VIPR2: variants seen among roughly 807,000 people sequenced by gnomAD.
VIPR2 encodes vasoactive intestinal polypeptide receptor 2.
VIPR2 carries 48 observed loss-of-function variants against 58.0 expected under a neutral mutation model. That is an observed-to-expected ratio of 0.83 (90% CI 0.66 to 1.05). The LOEUF (loss-of-function observed/expected upper bound fraction) is 1.05, where lower values mean the gene tolerates loss of function less well. Ranked by LOEUF, VIPR2 falls within the 50% of genes least tolerant of loss-of-function variation. The pLI is 0.00. For missense variants in VIPR2, 534 were observed against 558.0 expected, an observed-to-expected ratio of 0.96 and a Z score of 0.43; for synonymous variants, 243 against 235.2, an observed-to-expected ratio of 1.03 and a Z score of -0.30.
intron 4 of VIPR2, among the ~76,000 whole-genome samples, chr7:159,083,150 T>C (rs1856998208): frequency 6.6e-6 from 1 of 152,166 alleles, no homozygotes; most frequent in Non-Finnish European, 1.5e-5. Context: ...CTGACTCCAC[T>C]TGCCTGTCAC....
At chr7:159,040,490 G>T (rs1237622868) in intron 6 of VIPR2, among the ~76,000 whole-genome samples, 2 of 152,234 alleles carry the variant, frequency 1.3e-5, no homozygotes, top group African/African-American at 4.8e-5. Flanking sequence ...ATAAAGGGCA[G>T]GTTTGCTCCG....
chr7:159,076,425 GCA>G (rs1389886976), intron 4 of VIPR2, among the ~76,000 whole-genome samples: 1 of 152,110 alleles, frequency 6.6e-6, no homozygotes, highest in Non-Finnish European at 1.5e-5. Flanking sequence ...TCCTTACAGT[GCA>G]CAAATGAAAA....
intron 4 of VIPR2, chr7:159,059,324 T>C (rs1164004798): frequency 2.1e-6 from 1 of 471,420 alleles, no homozygotes; most frequent in East Asian, 6.9e-5. Context: ...CAAAGGCCGC[T>C]TCCTGGTCTG....
At chr7:159,058,941 C>T (rs1226164401) in intron 4 of VIPR2, among the ~76,000 whole-genome samples, 1 of 152,210 alleles carries the variant, frequency 6.6e-6, no homozygotes, top group Non-Finnish European at 1.5e-5. Context: ...AGCTTTCTGA[C>T]ACTCCTGGAT....
chr7:159,113,996 C>T (rs7797177), intron 2 of VIPR2, among the ~76,000 whole-genome samples: 1 of 152,032 alleles, frequency 6.6e-6, no homozygotes, highest in African/African-American at 2.4e-5. Context: ...CTTCATACAG[C>T]CTTGTAGTAT....
At chr7:159,114,475 T>C (rs932237428) in intron 2 of VIPR2, among the ~76,000 whole-genome samples, 7 of 152,214 alleles carry the variant, frequency 4.6e-5, no homozygotes, top group African/African-American at 1.7e-4. Context: ...ACCTAGGTTT[T>C]CCAGATGGTG....
At chr7:159,113,542 A>G (rs1189553309) in intron 2 of VIPR2, among the ~76,000 whole-genome samples, 1 of 152,084 alleles carries the variant, frequency 6.6e-6, no homozygotes, top group Non-Finnish European at 1.5e-5. Flanking sequence ...GCTACAAGAG[A>G]AAAAATGGAA....
chr7:159,034,618 C>G lies in VIPR2; in HGVS notation c.842G>C (p.Trp281Ser), dbSNP rs1853808093. Residue 281 changes from tryptophan (W) to serine (S), a missense_variant, in exon 9 of 13, where the codon TGG becomes TCG. Around this residue, in one of 3 missense-constraint regions of VIPR2, gnomAD observed 306 missense variants for 285.8 expected, o/e 1.07. Coordinates refer to ENST00000262178, the MANE Select transcript of VIPR2 (RefSeq NM_003382.5). Reference sequence around the variant, plus strand: ...TAAAATCGGTATTCGTATGACCCACCAGGGCACACTGTGGTCGTTTGTATC... The same window carrying G: ...TAAAATCGGTATTCGTATGACCCACGAGGGCACACTGTGGTCGTTTGTATC... ...CWDTNDHSVP[W>S]WVIRIPILIS... 2 of 1,613,906 alleles carry G rather than the reference C, an allele frequency of 1.2e-6. No individual in the cohort carries two copies. The highest frequency in any genetic ancestry group is 1.3e-5 in the African/African-American group (1 of 74,922).
Position 159,030,629 on chromosome 7 carries a change from G to A in VIPR2, c.1304C>T (p.Thr435Ile). 1 of 1,548,584 alleles carries A rather than the reference G, an allele frequency of 6.5e-7. No individual in the cohort carries two copies. The highest frequency in any genetic ancestry group is 8.7e-7 in the Non-Finnish European group (1 of 1,147,062). ...SRAQSFLQTE[T>I]SVI ...GCAGGGGTGGGGCTAGATGACCGAG[G>A]TCTCCGTTTGCAGGAAGGACTGGGC... The change falls in exon 13 of 13, where the codon ACC becomes ATC. Residue 435 changes from threonine to isoleucine, a missense_variant. This residue lies in a region of VIPR2 where 306 missense variants were observed against 285.8 expected (regional missense o/e 1.07). Coordinates refer to ENST00000262178, the MANE Select transcript of VIPR2 (RefSeq NM_003382.5).
In VIPR2 at chr7:159,031,366, C is replaced by T. The variant is rs1052879816; in HGVS notation, c.1143+462G>A. 1 of 934,836 alleles carries T rather than the reference C, an allele frequency of 1.1e-6. No homozygotes were observed. Among genetic ancestry groups the T allele is most frequent in the Non-Finnish European group, 1.3e-6 (1 of 783,908 alleles). 57.9% of individuals were successfully genotyped at this position (934,836 alleles called of 1,614,324 possible). On this transcript the variant is annotated intron_variant, in intron 12 of 12. Transcript: ENST00000262178. This position sits in a 1 kb window ranked among gnomAD's most constrained non-coding sequence, Gnocchi z 4.0. ...GGACGGGGCCAGGCCGTTGGAGCAG[C>T]CCGGAGACAGCCTCCCTGGCTGGGA...
chr7:159,034,929 A>G (rs1853834507), intron 8 of VIPR2, among the ~76,000 whole-genome samples: 1 of 152,204 alleles, frequency 6.6e-6, no homozygotes, highest in Non-Finnish European at 1.5e-5. Context: ...CACTCTGAGC[A>G]TGAACGTGTG....
Position 159,097,299 on chromosome 7 carries a change from T to C in VIPR2, c.357+6458A>G. ...TGTGGCGTAACACGGAAGAAATGTGTGCACTTGAAGCATGGGGAGGCCGAA... is the reference window on the plus strand; with the variant it reads ...TGTGGCGTAACACGGAAGAAATGTGCGCACTTGAAGCATGGGGAGGCCGAA... On this transcript the variant is annotated intron_variant, in intron 4 of 12. Transcript: ENST00000262178. This position sits in a 1 kb window ranked among gnomAD's most constrained non-coding sequence, Gnocchi z 5.3. 4 of 1,327,294 alleles carry C rather than the reference T, an allele frequency of 3.0e-6. No individual in the cohort carries two copies. The highest frequency in any genetic ancestry group is 3.9e-6 in the Non-Finnish European group (4 of 1,036,246). The allele number at this position is 1,327,294 out of a possible 1,614,324, so 82.2% of individuals were successfully genotyped here.
At chr7:159,130,390 C>T (rs535826756) in intron 2 of VIPR2, among the ~76,000 whole-genome samples, 7 of 152,198 alleles carry the variant, frequency 4.6e-5, no homozygotes, top group Non-Finnish European at 1.0e-4. Flanking sequence ...AGATATGCAA[C>T]TTCCCCAGTT....
At chr7:159,065,183 G>A (rs536062703) in intron 4 of VIPR2, among the ~76,000 whole-genome samples, 27 of 152,202 alleles carry the variant, frequency 1.8e-4, no homozygotes, top group Non-Finnish European at 3.4e-4. Context: ...GTGTCTGGAT[G>A]TGTCTGTGTT....
chr7:159,109,947 G>C (rs1795926503), intron 2 of VIPR2, 28 bp from the exon 3 acceptor site: 1 of 1,607,320 alleles, frequency 6.2e-7, no homozygotes. Context: ...GAGTGAGGCA[G>C]GTGCAAGGTG....
At chr7:159,069,288 C>T (rs373316753) in intron 4 of VIPR2, among the ~76,000 whole-genome samples, 19 of 152,246 alleles carry the variant, frequency 1.2e-4, no homozygotes, top group Non-Finnish European at 2.4e-4. Context: ...CCAGGCGCTC[C>T]GAGTGAGGGT....
chr7:159,033,587 G>A (rs1853723378), intron 10 of VIPR2, among the ~76,000 whole-genome samples: 3 of 152,162 alleles, frequency 2.0e-5, no homozygotes, highest in Admixed American at 2.0e-4. Flanking sequence ...GGGGTGACTG[G>A]CTGAACGTCT....
At chr7:159,130,382 A>G (rs945048053) in intron 2 of VIPR2, among the ~76,000 whole-genome samples, 4 of 152,154 alleles carry the variant, frequency 2.6e-5, no homozygotes, top group African/African-American at 9.7e-5. Context: ...AAGTCACAAG[A>G]TATGCAACTT....
At chr7:159,136,250 T>C (rs1214011476) in intron 2 of VIPR2, among the ~76,000 whole-genome samples, 1 of 152,130 alleles carries the variant, frequency 6.6e-6, no homozygotes, top group Non-Finnish European at 1.5e-5. Flanking sequence ...GCTGAGCGTG[T>C]TGGCCCAGGT....
Sources: allele counts gnomAD v4.1 joint callset (sites outside exome capture counted in the v4.1 genomes callset), GRCh38; gene constraint gnomAD v4.1.1; regional missense constraint gnomAD v4.1.1; non-coding constraint Gnocchi (gnomAD v3.1); transcripts MANE v1.5; gene names NCBI Gene and HGNC (gene_info 2026-07-23, HGNC 2026-07-21).